The following SEPTIN9 variants were observed in gnomAD, a reference collection of about 807,000 sequenced individuals.
SEPTIN9 encodes the protein septin 9, also known as septin-9.
Under a neutral mutation model 56.6 loss-of-function variants are expected in SEPTIN9, and 13 were observed. The observed-to-expected ratio is 0.23, with a 90% CI of 0.15 to 0.37. The LOEUF (loss-of-function observed/expected upper bound fraction) is 0.37, where lower values mean the gene tolerates loss of function less well. Among genes scored for constraint, SEPTIN9 ranks in the 10% least tolerant of loss-of-function variants. SEPTIN9 has a pLI of 1.00. For synonymous variants in SEPTIN9, 332 were observed against 334.1 expected, an observed-to-expected ratio of 0.99 and a Z score of 0.07; for missense variants, 650 against 823.1, an observed-to-expected ratio of 0.79 and a Z score of 2.57.
At chr17:77,467,586 C>G (rs146948793) in intron 3 of SEPTIN9, among the ~76,000 whole-genome samples, 354 of 152,366 alleles carry the variant, frequency 2.3e-3, no homozygotes, top group Middle Eastern at 0.021. Context: ...CTGAACCGGC[C>G]TCCCACCCCG....
Position 77,487,143 on chromosome 17 carries a change from G to A in SEPTIN9, c.914-281G>A, listed in dbSNP as rs1335926136. ...TCCAGAAAGCACAAGGGGCACAAGA[G>A]ATGCCGACTCTCCCAGGCCCGGCTC... On this transcript the variant is annotated intron_variant, in intron 4 of 11. Transcript: ENST00000427177. The surrounding 1 kb of genome is among the most constrained non-coding windows in gnomAD (Gnocchi z 4.3). Among the ~76,000 whole-genome samples the A allele has an allele frequency of 1.3e-5, 2 of 152,248 alleles. No homozygotes were observed. Among genetic ancestry groups the A allele is most frequent in the Non-Finnish European group, 2.9e-5 (2 of 68,050 alleles).
intron 1 of SEPTIN9, 70 bp downstream of exon 1, chr17:77,281,624 G>A (rs1206833501): frequency 7.0e-6 from 10 of 1,425,940 alleles, no homozygotes; most frequent in South Asian, 1.3e-5. Flanking sequence ...GAGTGCCTGC[G>A]GCCGGGAGTG....
At position 77,447,653 on chromosome 17, in the gene SEPTIN9, C is replaced by T. The variant is rs527983313; in HGVS notation, c.722-34491C>T. On this transcript the variant is annotated intron_variant, in intron 3 of 11. Transcript: ENST00000427177. ...TTTTGTTTGTTTTTTGAGACGAAGT[C>T]TCGCTCTGTCGCCCAGGCTGGAGTG... Among the ~76,000 whole-genome samples the T allele has an allele frequency of 8.5e-5, 13 of 152,358 alleles. 1 individual carries two copies. Among genetic ancestry groups the T allele is most frequent in the African/African-American group, 3.1e-4 (13 of 41,564 alleles).
chr17:77,399,070 A>C (rs2035819235), intron 2 of SEPTIN9, among the ~76,000 whole-genome samples: 1 of 152,202 alleles, frequency 6.6e-6, no homozygotes, highest in Non-Finnish European at 1.5e-5. Flanking sequence ...TGGAGGAAGG[A>C]GGAGTGCCCT....
At chr17:77,373,245 G>A (rs2034781571) in intron 2 of SEPTIN9, 1 of 1,132,930 alleles carries the variant, frequency 8.8e-7, no homozygotes, top group African/African-American at 1.6e-5. Flanking sequence ...CAGGGAGGCC[G>A]GTGCGGGTGC....
At chr17:77,285,551 C>T (rs1380684400) in intron 1 of SEPTIN9, among the ~76,000 whole-genome samples, 1 of 152,158 alleles carries the variant, frequency 6.6e-6, no homozygotes, top group African/African-American at 2.4e-5. Context: ...GCATGTGCCA[C>T]CGTGCCCAGC....
chr17:77,431,824 C>A (rs1255611484), intron 3 of SEPTIN9, among the ~76,000 whole-genome samples: 1 of 129,896 alleles, frequency 7.7e-6, no homozygotes, highest in Non-Finnish European at 1.6e-5. Flanking sequence ...GAGTGAAATG[C>A]TGTCTCAAAA....
rs1358918823 is a variant in SEPTIN9, at chr17:77,451,703, C to A, written c.722-30441C>A. Among the ~76,000 whole-genome samples, 1 of 152,136 alleles carries A rather than the reference C, an allele frequency of 6.6e-6. No homozygotes were observed. Among genetic ancestry groups the A allele is most frequent in the Non-Finnish European group, 1.5e-5 (1 of 68,006 alleles). ...AGCGGGGTCCCCAGGAGAGGGGTGGCGGGGAGCTCGATCTCCACGCGGGGA... is the reference window on the plus strand; with the variant it reads ...AGCGGGGTCCCCAGGAGAGGGGTGGAGGGGAGCTCGATCTCCACGCGGGGA... On this transcript the variant is annotated intron_variant, in intron 3 of 11. Coordinates refer to ENST00000427177, the MANE Select transcript of SEPTIN9 (RefSeq NM_001113491.2). The surrounding 1 kb of genome is among the most constrained non-coding windows in gnomAD (Gnocchi z 4.2).
chr17:77,450,973 G>A lies in SEPTIN9; in HGVS notation c.722-31171G>A. ...TGAGAGCCCAGCTGTGGCGATGTCT[G>A]AGCAGGTAGGTGGGGGAGCACCTAG... On this transcript the variant is annotated intron_variant, in intron 3 of 11. Coordinates refer to ENST00000427177, the MANE Select transcript of SEPTIN9 (RefSeq NM_001113491.2). This position sits in a 1 kb window ranked among gnomAD's most constrained non-coding sequence, Gnocchi z 6.0. The A allele has an allele frequency of 4.7e-6, 1 of 212,238 alleles. No homozygotes were observed. The highest frequency in any genetic ancestry group is 8.1e-6 in the Non-Finnish European group (1 of 122,808). The allele number at this position is 212,238 out of a possible 1,614,324, so 13.1% of individuals were successfully genotyped here.
intron 2 of SEPTIN9, among the ~76,000 whole-genome samples, chr17:77,383,737 A>G (rs1440255532): frequency 5.9e-5 from 9 of 152,114 alleles, no homozygotes; most frequent in Admixed American, 2.6e-4. Flanking sequence ...AGGTGTCAGC[A>G]TCGTGGGGAT....
chr17:77,344,984 AAAAAAAAAAAAAG>A (rs1356978935), intron 2 of SEPTIN9, among the ~76,000 whole-genome samples: 1 of 150,986 alleles, frequency 6.6e-6, no homozygotes, highest in African/African-American at 2.4e-5. Flanking sequence ...AAAAAAAAAA[AAAAAAAAAAAAAG>A]GAGATTCTGA....
In SEPTIN9 at chr17:77,313,092, C is replaced by G. The variant is rs149587673; in HGVS notation, c.76+5895C>G. On this transcript the variant is annotated intron_variant, in intron 2 of 11. Transcript: ENST00000427177. This position sits in a 1 kb window ranked among gnomAD's most constrained non-coding sequence, Gnocchi z 4.5. ...ACTGAGCAAGCAGGATGAAAGACAC[C>G]CGCTCTCGGGGGAGTCTTCCGTTGG... 5.9e-5 allele frequency among the ~76,000 whole-genome samples: 9 copies of G among 152,276 alleles called. No individual in the cohort carries two copies. In the East Asian group the frequency reaches 1.7e-3, roughly 29 times the overall value.
chr17:77,370,798 C>G (rs1182026121), intron 2 of SEPTIN9, among the ~76,000 whole-genome samples: 1 of 152,164 alleles, frequency 6.6e-6, no homozygotes, highest in Non-Finnish European at 1.5e-5. Context: ...GGCCTCCTCA[C>G]TATCCTGTAG....
rs951928980 is a variant in SEPTIN9, at chr17:77,371,279, T to C, written c.77-30780T>C. Among the ~76,000 whole-genome samples the C allele has an allele frequency of 6.6e-6, 1 of 152,180 alleles. No individual in the cohort carries two copies. Among genetic ancestry groups the C allele is most frequent in the Non-Finnish European group, 1.5e-5 (1 of 68,042 alleles). On this transcript the variant is annotated intron_variant, in intron 2 of 11. Transcript: ENST00000427177. This position sits in a 1 kb window ranked among gnomAD's most constrained non-coding sequence, Gnocchi z 4.1. ...GCACTTTCTGGCTGCTCTCCTGCCA[T>C]TGTCCCTTGGGTTCCCATTTTGGTG...
intron 2 of SEPTIN9, among the ~76,000 whole-genome samples, chr17:77,315,931 G>T (rs1481548008): frequency 6.6e-6 from 1 of 152,240 alleles, no homozygotes; most frequent in Non-Finnish European, 1.5e-5. Flanking sequence ...GGCTGGGGTG[G>T]CTGGGAGCTG....
chr17:77,481,510 A>G (rs1288447371), intron 3 of SEPTIN9, among the ~76,000 whole-genome samples: 1 of 150,818 alleles, frequency 6.6e-6, no homozygotes, highest in Admixed American at 6.6e-5. Context: ...GGGATTGAAC[A>G]CACAACTCCA....
In SEPTIN9 at chr17:77,475,395, G is replaced by A; in HGVS notation, c.722-6749G>A. 1 of 1,446,060 alleles carries A rather than the reference G, an allele frequency of 6.9e-7. No homozygotes were observed. The allele number at this position is 1,446,060 out of a possible 1,614,324, so 89.6% of individuals were successfully genotyped here. A position where few individuals can be genotyped will look rare whatever the true frequency, so the allele number is the denominator to read the frequency against. ...ACCCAGGGAGATAGGAGAGGAGGAG[G>A]GAGCAGCCCTGGCCGGACACTGTCC... On this transcript the variant is annotated intron_variant, in intron 3 of 11. Transcript: ENST00000427177. This position sits in a 1 kb window ranked among gnomAD's most constrained non-coding sequence, Gnocchi z 4.6.
In SEPTIN9 at chr17:77,449,542, G is replaced by T. The variant is rs2037885769; in HGVS notation, c.722-32602G>T. ...AAGAGAAGAAGGTTCGGAGAGGAGGGCCAAGGAAGAAGGGTTCTGCCCACG... is the reference window on the plus strand; with the variant it reads ...AAGAGAAGAAGGTTCGGAGAGGAGGTCCAAGGAAGAAGGGTTCTGCCCACG... On this transcript the variant is annotated intron_variant, in intron 3 of 11. Coordinates refer to ENST00000427177, the MANE Select transcript of SEPTIN9 (RefSeq NM_001113491.2). The surrounding 1 kb of genome is among the most constrained non-coding windows in gnomAD (Gnocchi z 4.6). Among the ~76,000 whole-genome samples, 1 of 152,200 alleles carries T rather than the reference G, an allele frequency of 6.6e-6. No homozygotes were observed. Among genetic ancestry groups the T allele is most frequent in the Non-Finnish European group, 1.5e-5 (1 of 68,032 alleles).
At position 77,346,278 on chromosome 17, in the gene SEPTIN9, C is replaced by CTTTT. The variant is rs577131369; in HGVS notation, c.76+39107_76+39110dup. 2.3e-3 allele frequency among the ~76,000 whole-genome samples: 107 copies of CTTTT among 46,300 alleles called. 3 individuals carry two copies. The highest frequency in any genetic ancestry group is 8.7e-3 in the East Asian group (10 of 1,146). The allele number at this position is 46,300 out of a possible 152,430, so 30.4% of individuals were successfully genotyped here. A position where few individuals can be genotyped will look rare whatever the true frequency, so the allele number is the denominator to read the frequency against. On this transcript the variant is annotated intron_variant, in intron 2 of 11. Coordinates refer to ENST00000427177, the MANE Select transcript of SEPTIN9 (RefSeq NM_001113491.2). ...AGATTCTTAAAGCAGATCCTTAGGT[C>CTTTT]TTTTTTTTTTTTTTTTTTTTTTTTT...
Sources: allele counts gnomAD v4.1 joint callset (sites outside exome capture counted in the v4.1 genomes callset), GRCh38; gene constraint gnomAD v4.1.1; non-coding constraint Gnocchi (gnomAD v3.1); transcripts MANE v1.5; gene names NCBI Gene and HGNC (gene_info 2026-07-23, HGNC 2026-07-21).